The following LARP1B variants were observed in gnomAD, a reference collection of about 807,000 sequenced individuals.
The protein encoded by LARP1B is La ribonucleoprotein 1B, also known as la-related protein 1B.
LARP1B carries 76 observed loss-of-function variants against 114.2 expected under a neutral mutation model. That is an observed-to-expected ratio of 0.67 (90% CI 0.55 to 0.81). The LOEUF (loss-of-function observed/expected upper bound fraction) is 0.81. Among genes scored for constraint, LARP1B ranks in the 30% least tolerant of loss-of-function variants. The pLI is 0.00. For missense variants in LARP1B, 1,014 were observed against 1,075.8 expected, an observed-to-expected ratio of 0.94 and a Z score of 0.80; for synonymous variants, 345 against 348.0, an observed-to-expected ratio of 0.99 and a Z score of 0.10.
chr4:128,161,502 T>G (rs893001247), intron 11 of LARP1B, among the ~76,000 whole-genome samples: 1 of 152,178 alleles, frequency 6.6e-6, no homozygotes, highest in African/African-American at 2.4e-5. Flanking sequence ...CCCATTATTA[T>G]AAAACAAAGT....
intron 5 of LARP1B, among the ~76,000 whole-genome samples, chr4:128,088,995 A>G (rs1463167039): frequency 6.6e-6 from 1 of 152,092 alleles, no homozygotes; most frequent in East Asian, 1.9e-4. Context: ...AGACTGTTTT[A>G]GGTCTAAGCA....
At chr4:128,200,793 G>A (rs1755698339) in intron 17 of LARP1B, 128 bp downstream of exon 17, 1 of 577,878 alleles carries the variant, frequency 1.7e-6, no homozygotes, top group Non-Finnish European at 2.9e-6. Context: ...GAAGTAGCCT[G>A]ATTTTGAACC....
intron 11 of LARP1B, among the ~76,000 whole-genome samples, chr4:128,159,733 A>G (rs1165059354): frequency 2.0e-5 from 3 of 152,180 alleles, no homozygotes; most frequent in African/African-American, 7.2e-5. Context: ...GCAGATGTAG[A>G]TCAACAGGAA....
intron 19 of LARP1B, among the ~76,000 whole-genome samples, chr4:128,207,734 A>G (rs976510011): frequency 6.6e-6 from 1 of 152,238 alleles, no homozygotes; most frequent in Non-Finnish European, 1.5e-5. Flanking sequence ...TTATCCATAT[A>G]ATTCCTGTAA....
At chr4:128,094,531 C>T (rs535025979) in intron 7 of LARP1B, among the ~76,000 whole-genome samples, 77 of 151,176 alleles carry the variant, frequency 5.1e-4, no homozygotes, top group Non-Finnish European at 8.7e-4. Flanking sequence ...CTTAGCCTCT[C>T]GAATAGCTGG....
chr4:128,168,465 A>G (rs116723288), intron 12 of LARP1B, among the ~76,000 whole-genome samples: 4,048 of 152,016 alleles, frequency 0.027, 168 homozygotes, highest in African/African-American at 0.093. Flanking sequence ...TTTACTCTGG[A>G]TACAAGTCCT....
intron 15 of LARP1B, among the ~76,000 whole-genome samples, chr4:128,186,710 A>G (rs1389293287): frequency 2.0e-5 from 3 of 152,180 alleles, no homozygotes; most frequent in Non-Finnish European, 4.4e-5. Context: ...GTTATTCCAG[A>G]TCTTAGAGGA....
chr4:128,113,856 G>A (rs1424116512), intron 9 of LARP1B, among the ~76,000 whole-genome samples: 3 of 139,864 alleles, frequency 2.1e-5, no homozygotes, highest in Non-Finnish European at 3.0e-5. Context: ...GCGCCATCTC[G>A]GCTCACTGCA....
chr4:128,188,611 T>A (rs1254055849), intron 15 of LARP1B, among the ~76,000 whole-genome samples: 5 of 152,216 alleles, frequency 3.3e-5, no homozygotes, highest in Non-Finnish European at 7.3e-5. Flanking sequence ...ATTTGAAACC[T>A]ACTTTTTTGA....
At chr4:128,203,566 G>A (rs1247938158) in intron 17 of LARP1B, among the ~76,000 whole-genome samples, 1 of 151,968 alleles carries the variant, frequency 6.6e-6, no homozygotes. Flanking sequence ...TAGAAATGGG[G>A]TTTTACCATA....
rs751875392 is a variant in LARP1B, at chr4:128,209,982, A to T, written c.2674A>T (p.Ser892Cys). The change falls in exon 20 of 20, where the codon AGT (serine) becomes TGT (cysteine). Residue 892 changes from serine (S) to cysteine (C), a missense_variant. Transcript: ENST00000326639. ...AAATGCTGCTAAACCTACATCTACCAGTGAGCTTCAGGTACCAATAAACTC... is the reference window on the plus strand; with the variant it reads ...AAATGCTGCTAAACCTACATCTACCTGTGAGCTTCAGGTACCAATAAACTC... ...PPNAAKPTST[S>C]ELQVPINSPR... The T allele has an allele frequency of 7.4e-6, 12 of 1,613,962 alleles. No individual in the cohort carries two copies. The highest frequency in any genetic ancestry group is 9.3e-6 in the Non-Finnish European group (11 of 1,179,958).
chr4:128,122,067 G>A lies in LARP1B; in HGVS notation c.1403G>A (p.Gly468Asp), dbSNP rs563937648. The change falls in exon 11 of 20, where the codon GGC becomes GAC. Residue 468 changes from glycine (G) to aspartate (D), a missense_variant. Coordinates refer to ENST00000326639, the MANE Select transcript of LARP1B (RefSeq NM_018078.4). ...AAACATCCTGGAGGAGATCGAACAG[G>A]CACCCACATGTCTCGGGCAAAAATC... ...VKKHPGGDRT[G>D]THMSRAKITS... The A allele has an allele frequency of 8.3e-5, 134 of 1,614,012 alleles. 1 individual carries two copies. The South Asian group carries it at 1.3e-3, about 15-fold the overall frequency.
chr4:128,177,606 C>A (rs749563020), intron 13 of LARP1B, among the ~76,000 whole-genome samples: 5 of 152,102 alleles, frequency 3.3e-5, no homozygotes, highest in Non-Finnish European at 7.4e-5. Flanking sequence ...CTCAATTTCA[C>A]TAGCAACAAC....
chr4:128,061,716 C>T, intron 1 of LARP1B: 1 of 984,958 alleles, frequency 1.0e-6, no homozygotes, highest in Non-Finnish European at 1.2e-6. Context: ...GCCCCGATGC[C>T]CGCCGCCCAT....
rs147587828 is a variant in LARP1B, at chr4:128,129,918, A to G, written c.1524+7730A>G. Among the ~76,000 whole-genome samples the G allele has an allele frequency of 3.3e-3, 497 of 152,362 alleles. 1 individual carries two copies. The highest frequency in any genetic ancestry group is 5.7e-3 in the Non-Finnish European group (386 of 68,028). On this transcript the variant is annotated intron_variant, in intron 11 of 19. Coordinates refer to ENST00000326639, the MANE Select transcript of LARP1B (RefSeq NM_018078.4). ...GACAAAACCATAAACGTCCTAGAAG[A>G]TGATCTAAGAGAAAATCTAGATGAC...
intron 7 of LARP1B, among the ~76,000 whole-genome samples, chr4:128,220,817 T>C (rs1481797114): frequency 6.6e-6 from 1 of 152,212 alleles, no homozygotes; most frequent in Non-Finnish European, 1.5e-5. Flanking sequence ...AGTTAATGAA[T>C]GGATCCTACC....
intron 11 of LARP1B, among the ~76,000 whole-genome samples, chr4:128,152,403 C>T (rs968843948): frequency 2.6e-5 from 4 of 151,898 alleles, no homozygotes; most frequent in African/African-American, 7.3e-5. Context: ...GAGGTTTCAC[C>T]ATGTTGGCCA....
At chr4:128,162,361 G>A (rs770712225) in intron 12 of LARP1B, 44 bp downstream of exon 12, 1 of 1,549,626 alleles carries the variant, frequency 6.5e-7, no homozygotes, top group Admixed American at 2.0e-5. Context: ...TAGTATTAAA[G>A]CAGTTCTGAA....
At chr4:128,123,224 C>T in intron 11 of LARP1B, 2 of 985,400 alleles carry the variant, frequency 2.0e-6, no homozygotes, top group South Asian at 9.4e-5. Flanking sequence ...GGAGGACCTG[C>T]CTCAGGCTAT....
Sources: allele counts gnomAD v4.1 joint callset (sites outside exome capture counted in the v4.1 genomes callset), GRCh38; gene constraint gnomAD v4.1.1; transcripts MANE v1.5; gene names NCBI Gene and HGNC (gene_info 2026-07-23, HGNC 2026-07-21).